Variants in ETV5 observed in about 807,000 individuals in gnomAD.
ETV5 encodes the protein ETS variant transcription factor 5, also known as ETS translocation variant 5.
A neutral mutation model predicts 70.0 loss-of-function variants in ETV5; 10 were observed. The observed-to-expected ratio is 0.14, with a 90% CI of 0.09 to 0.24. ETV5 has a LOEUF of 0.24. Ranked by LOEUF, ETV5 falls within the 10% of genes least tolerant of loss-of-function variation. The pLI is 1.00. For missense variants in ETV5, 453 were observed against 651.2 expected (o/e 0.70, Z 3.31); for synonymous variants, 216 against 242.2 (o/e 0.89, Z 1.01).
rs189584026 is a variant in ETV5 at position 186,057,961 on chromosome 3, C to T, written c.971-470G>A. Reference sequence around the variant, plus strand: ...GCTACTCACATACCTCGTTCAATTACGAAAGAGCTTGAAGGGTAAAGAATG... The same window carrying T: ...GCTACTCACATACCTCGTTCAATTATGAAAGAGCTTGAAGGGTAAAGAATG... On this transcript the variant is annotated intron_variant, in intron 9 of 12. Coordinates refer to ENST00000306376, the MANE Select transcript of ETV5 (RefSeq NM_004454.3). This position sits in a 1 kb window ranked among gnomAD's most constrained non-coding sequence, Gnocchi z 4.9. Among the ~76,000 whole-genome samples the T allele has an allele frequency of 3.3e-5, 5 of 152,246 alleles. No individual in the cohort carries two copies. Among genetic ancestry groups the T allele is most frequent in the South Asian group, 4.2e-4 (2 of 4,810 alleles).
chr3:186,047,928 C>T lies in ETV5; in HGVS notation c.*711G>A, dbSNP rs967435341. 3.9e-5 allele frequency: 9 copies of T among 233,376 alleles called. No individual in the cohort carries two copies. Among genetic ancestry groups the T allele is most frequent in the East Asian group, 6.0e-5 (1 of 16,578 alleles). 14.5% of individuals were successfully genotyped at this position (233,376 alleles called of 1,614,324 possible). A position where few individuals can be genotyped will look rare whatever the true frequency, so the allele number is the denominator to read the frequency against. On this transcript the variant is annotated 3_prime_UTR_variant, in exon 13 of 13. Transcript: ENST00000306376. ...ACAAAATACTGTCAAAAGTGTTAAT[C>T]GCCCTTCTCCTAAAATAAAAGTCAT...
At chr3:186,060,860 G>A (rs1157942396) in intron 9 of ETV5, among the ~76,000 whole-genome samples, 3 of 152,116 alleles carry the variant, frequency 2.0e-5, no homozygotes, top group Non-Finnish European at 4.4e-5. Flanking sequence ...TTGTAATTAT[G>A]CAAAATGTTT....
chr3:186,103,129 G>A (rs550348268), intron 5 of ETV5, among the ~76,000 whole-genome samples: 3 of 152,188 alleles, frequency 2.0e-5, no homozygotes, highest in Admixed American at 6.5e-5. Context: ...AAGACAGAAA[G>A]GCTCAACCTT....
At chr3:186,084,766 A>G (rs1451104155) in intron 5 of ETV5, among the ~76,000 whole-genome samples, 7 of 152,226 alleles carry the variant, frequency 4.6e-5, no homozygotes, top group African/African-American at 1.7e-4. Flanking sequence ...CTGTCATTTT[A>G]GTCATCTTCT....
At chr3:186,077,468 T>C (rs547356897) in intron 7 of ETV5, among the ~76,000 whole-genome samples, 14 of 152,350 alleles carry the variant, frequency 9.2e-5, no homozygotes, top group Non-Finnish European at 1.9e-4. Flanking sequence ...GAAAAATCAC[T>C]GTCACGTTTT....
At chr3:186,075,480 A>G (rs1713761107) in intron 7 of ETV5, among the ~76,000 whole-genome samples, 1 of 152,252 alleles carries the variant, frequency 6.6e-6, no homozygotes, top group South Asian at 2.1e-4. Context: ...AGGAAAAACG[A>G]GTATATAAAA....
At chr3:186,075,599 G>A (rs1310521010) in intron 7 of ETV5, among the ~76,000 whole-genome samples, 4 of 152,204 alleles carry the variant, frequency 2.6e-5, no homozygotes, top group East Asian at 1.9e-4. Flanking sequence ...AATAACCACC[G>A]AAGCAGACGT....
At chr3:186,066,858 T>C (rs1713458990) in intron 7 of ETV5, among the ~76,000 whole-genome samples, 2 of 152,254 alleles carry the variant, frequency 1.3e-5, no homozygotes, top group Admixed American at 1.3e-4. Context: ...AGGAATTTAA[T>C]GGCAAGCCAA....
chr3:186,099,433 C>T (rs994625876), intron 5 of ETV5, among the ~76,000 whole-genome samples: 10 of 152,256 alleles, frequency 6.6e-5, no homozygotes, highest in African/African-American at 1.4e-4. Flanking sequence ...AGCCTCTGAG[C>T]TCCTTGGATT....
chr3:186,076,170 A>G (rs1162734443), intron 7 of ETV5: 2 of 226,776 alleles, frequency 8.8e-6, no homozygotes, highest in Non-Finnish European at 1.8e-5. Flanking sequence ...CCTTGTGGGG[A>G]GGAAATCACT....
intron 7 of ETV5, among the ~76,000 whole-genome samples, chr3:186,074,155 C>T (rs1478608335): frequency 6.6e-6 from 1 of 151,888 alleles, no homozygotes; most frequent in Non-Finnish European, 1.5e-5. Context: ...ATGAAAAAGA[C>T]AACTACAGAT....
At chr3:186,099,882 A>G (rs1714408570) in intron 5 of ETV5, among the ~76,000 whole-genome samples, 2 of 152,234 alleles carry the variant, frequency 1.3e-5, no homozygotes, top group South Asian at 4.1e-4. Flanking sequence ...AATACAAAGG[A>G]CTGGTAAGCC....
rs115186419 is a variant in ETV5 at position 186,075,329 on chromosome 3, T to C, written c.650+4488A>G. Among the ~76,000 whole-genome samples, 1,355 of 152,324 alleles carry C rather than the reference T, an allele frequency of 8.9e-3. 10 individuals are homozygous for C. The highest frequency in any genetic ancestry group is 0.014 in the Non-Finnish European group (949 of 68,024). ...AGATGCATCAGGCACATTCACTTTA[T>C]TCCAGGCCAGGCTACAAATGTGACT... is the stretch of plus-strand genomic sequence containing the variant. On this transcript the variant is annotated intron_variant, in intron 7 of 12. Transcript: ENST00000306376.
At chr3:186,083,610 A>C (rs1173130700) in intron 5 of ETV5, among the ~76,000 whole-genome samples, 1 of 152,236 alleles carries the variant, frequency 6.6e-6, no homozygotes, top group African/African-American at 2.4e-5. Context: ...AGTGTGTACC[A>C]CATCATTTTG....
chr3:186,091,951 G>A (rs1323467072), intron 5 of ETV5, among the ~76,000 whole-genome samples: 1 of 152,190 alleles, frequency 6.6e-6, no homozygotes, highest in Non-Finnish European at 1.5e-5. Context: ...AGTGAGGGAA[G>A]GAGACACCTT....
chr3:186,090,607 G>A (rs765912902), intron 5 of ETV5, among the ~76,000 whole-genome samples: 7 of 152,138 alleles, frequency 4.6e-5, no homozygotes, highest in South Asian at 2.1e-4. Context: ...TGTAAAACAC[G>A]TTTAGGACAA....
chr3:186,062,859 A>G (rs1450954027), intron 9 of ETV5, among the ~76,000 whole-genome samples: 1 of 152,208 alleles, frequency 6.6e-6, no homozygotes, highest in African/African-American at 2.4e-5. Context: ...TAGCAAGTTA[A>G]TGGTTATCTC....
chr3:186,059,031 T>TAA (rs1578539137), intron 9 of ETV5, among the ~76,000 whole-genome samples: 1 of 148,742 alleles, frequency 6.7e-6, no homozygotes, highest in Non-Finnish European at 1.5e-5. Context: ...AAAAATAAAA[T>TAA]AAAAATAAAA....
intron 5 of ETV5, among the ~76,000 whole-genome samples, chr3:186,095,464 A>T (rs751472689): frequency 6.6e-6 from 1 of 152,262 alleles, no homozygotes; most frequent in Non-Finnish European, 1.5e-5. Context: ...GGAAAATCTT[A>T]TCTTTAATTT....
Sources: gnomAD v4.1 joint callset for allele counts (sites outside exome capture counted in the v4.1 genomes callset) on GRCh38, gnomAD v4.1.1 for gene constraint, Gnocchi (gnomAD v3.1) non-coding constraint, MANE v1.5 for transcripts, NCBI Gene and HGNC (gene_info 2026-07-23, HGNC 2026-07-21) for gene names.